ANKDD1B: variants seen among roughly 807,000 people sequenced by gnomAD.
The protein encoded by ANKDD1B is ankyrin repeat and death domain containing 1B.
In ANKDD1B, 57 loss-of-function variants were observed where a neutral mutation model predicts 59.7. The ratio of observed to expected loss-of-function variants is 0.95; its 90% CI spans 0.77 to 1.19. ANKDD1B has a LOEUF of 1.19. Among genes scored for constraint, ANKDD1B ranks in the 50% most tolerant of loss-of-function variants. ANKDD1B has a pLI of 0.00. For missense variants in ANKDD1B, 602 were observed against 641.9 expected, an observed-to-expected ratio of 0.94 and a Z score of 0.67; for synonymous variants, 216 against 239.5, an observed-to-expected ratio of 0.90 and a Z score of 0.91.
At chr5:75,632,759 C>G (rs746199570) in intron 5 of ANKDD1B, among the ~76,000 whole-genome samples, 2 of 152,184 alleles carry the variant, frequency 1.3e-5, no homozygotes, top group Non-Finnish European at 2.9e-5. Context: ...TTATGTACCC[C>G]CATATATAAG....
intron 3 of ANKDD1B, among the ~76,000 whole-genome samples, chr5:75,623,112 CTTG>C (rs1326645258): frequency 6.6e-6 from 1 of 152,058 alleles, no homozygotes; most frequent in African/African-American, 2.4e-5. Context: ...GAGTTTCACT[CTTG>C]TTGCTCAGGC....
At chr5:75,661,473 G>A (rs557323435) in intron 10 of ANKDD1B, among the ~76,000 whole-genome samples, 19 of 149,692 alleles carry the variant, frequency 1.3e-4, no homozygotes, top group Non-Finnish European at 2.4e-4. Flanking sequence ...AAAGCTTAAG[G>A]AGGAAAACAC....
intron 1 of ANKDD1B, among the ~76,000 whole-genome samples, chr5:75,614,269 G>C (rs188983020): frequency 2.0e-5 from 3 of 152,324 alleles, no homozygotes; most frequent in Non-Finnish European, 4.4e-5. Flanking sequence ...AATGACACCT[G>C]CACACACAGT....
intron 3 of ANKDD1B, among the ~76,000 whole-genome samples, chr5:75,624,524 C>T (rs1344102117): frequency 1.3e-5 from 2 of 152,188 alleles, no homozygotes; most frequent in African/African-American, 4.8e-5. Context: ...GTCCTGGTCT[C>T]TTTCAGTCTC....
intron 12 of ANKDD1B, among the ~76,000 whole-genome samples, chr5:75,667,733 T>C (rs1775349205): frequency 6.6e-6 from 1 of 152,154 alleles, no homozygotes; most frequent in African/African-American, 2.4e-5. Context: ...GAAGCAAACA[T>C]GTTTCTTGGC....
intron 3 of ANKDD1B, 96 bp downstream of exon 3, chr5:75,620,509 A>G: frequency 1.5e-6 from 1 of 659,746 alleles, no homozygotes; most frequent in Non-Finnish European, 2.6e-6. Flanking sequence ...CATACACACA[A>G]AATATTTTAA....
chr5:75,638,524 G>C (rs957400860), intron 7 of ANKDD1B, among the ~76,000 whole-genome samples: 5 of 152,072 alleles, frequency 3.3e-5, no homozygotes, highest in African/African-American at 9.7e-5. Context: ...TGATCATGTG[G>C]CTATCACATA....
At chr5:75,631,846 C>G (rs1774169950) in intron 5 of ANKDD1B, among the ~76,000 whole-genome samples, 1 of 152,124 alleles carries the variant, frequency 6.6e-6, no homozygotes, top group Non-Finnish European at 1.5e-5. Flanking sequence ...TGGCTCACAC[C>G]TGTAATCCCA....
chr5:75,625,966 T>G lies in ANKDD1B; in HGVS notation c.600+11T>G, dbSNP rs1267488104. The G allele has an allele frequency of 2.0e-6, 3 of 1,525,040 alleles. No individual in the cohort carries two copies. Among genetic ancestry groups the G allele is most frequent in the Middle Eastern group, 1.7e-4 (1 of 5,952 alleles). The allele number at this position is 1,525,040 out of a possible 1,614,324, so 94.5% of individuals were successfully genotyped here. A position where few individuals can be genotyped will look rare whatever the true frequency, so the allele number is the denominator to read the frequency against. On this transcript the variant is annotated intron_variant, in intron 5 of 13. Coordinates refer to ENST00000601380, the MANE Select transcript of ANKDD1B (RefSeq NM_001276713.2). ...AACCAGCCTGATGAGGTGTGTTCAC[T>G]TTGGTTGTGTAGGTCTTGCATACAC...
At chr5:75,648,655 C>T (rs1249189400) in intron 7 of ANKDD1B, among the ~76,000 whole-genome samples, 3 of 152,088 alleles carry the variant, frequency 2.0e-5, no homozygotes, top group Non-Finnish European at 2.9e-5. Flanking sequence ...GAATTTTTCC[C>T]GAGTTCATCA....
At chr5:75,644,127 C>G (rs1267925470) in intron 7 of ANKDD1B, among the ~76,000 whole-genome samples, 1 of 105,702 alleles carries the variant, frequency 9.5e-6, no homozygotes, top group Non-Finnish European at 1.7e-5. Flanking sequence ...CAACTGGTAC[C>G]AGCCGCTGCA....
intron 12 of ANKDD1B, among the ~76,000 whole-genome samples, 194 bp from the exon 13 acceptor site, chr5:75,669,058 G>A (rs1775396816): frequency 6.6e-6 from 1 of 152,214 alleles, no homozygotes; most frequent in South Asian, 2.1e-4. Context: ...CATAGCAGGT[G>A]CATAGCACAG....
At chr5:75,637,075 G>A (rs951592277) in intron 7 of ANKDD1B, among the ~76,000 whole-genome samples, 11 of 151,252 alleles carry the variant, frequency 7.3e-5, no homozygotes, top group Non-Finnish European at 1.0e-4. Context: ...GTGAAACTCC[G>A]TCTCTACTAA....
intron 7 of ANKDD1B, among the ~76,000 whole-genome samples, chr5:75,642,271 G>C (rs573231037): frequency 6.6e-6 from 1 of 152,078 alleles, no homozygotes; most frequent in Non-Finnish European, 1.5e-5. Context: ...GAACAGCTCC[G>C]GTCTACAGCT....
At chr5:75,641,912 G>C (rs1774476508) in intron 7 of ANKDD1B, among the ~76,000 whole-genome samples, 1 of 152,132 alleles carries the variant, frequency 6.6e-6, no homozygotes, top group Non-Finnish European at 1.5e-5. Flanking sequence ...AGCTCCAATA[G>C]CCAAGAACTA....
Position 75,611,461 on chromosome 5 carries a change from G to T in ANKDD1B, c.-174G>T. 1 of 448,762 alleles carries T rather than the reference G, an allele frequency of 2.2e-6. No individual in the cohort carries two copies. Among genetic ancestry groups the T allele is most frequent in the Admixed American group, 4.4e-5 (1 of 22,732 alleles). 27.8% of individuals were successfully genotyped at this position (448,762 alleles called of 1,614,324 possible). On this transcript the variant is annotated 5_prime_UTR_variant, in exon 1 of 14. Transcript: ENST00000601380. ...CTGGAAACTAGGGGCTTGTTGCCCA[G>T]CGAACCGCCACAACAGAGAGCGGAC...
intron 7 of ANKDD1B, among the ~76,000 whole-genome samples, chr5:75,644,934 A>G (rs1157629625): frequency 8.2e-6 from 1 of 122,600 alleles, no homozygotes; most frequent in Admixed American, 7.5e-5. Context: ...AGAACTCAGG[A>G]TTAAGAATCT....
intron 10 of ANKDD1B, among the ~76,000 whole-genome samples, chr5:75,662,525 T>G (rs1309765686): frequency 6.6e-6 from 1 of 152,188 alleles, no homozygotes; most frequent in African/African-American, 2.4e-5. Flanking sequence ...TAATTTTAAT[T>G]GTTTTCTGAG....
intron 8 of ANKDD1B, among the ~76,000 whole-genome samples, chr5:75,654,705 T>G (rs539395679): frequency 1.3e-5 from 2 of 152,050 alleles, no homozygotes; most frequent in African/African-American, 2.4e-5. Flanking sequence ...AAAGAAACAG[T>G]TGGGGAAGTG....
Sources: gnomAD v4.1 joint callset for allele counts (sites outside exome capture counted in the v4.1 genomes callset) on GRCh38, gnomAD v4.1.1 for gene constraint, MANE v1.5 for transcripts, NCBI Gene and HGNC (gene_info 2026-07-23, HGNC 2026-07-21) for gene names.